Variants in TTC27 observed in about 807,000 individuals in gnomAD.
TTC27 encodes the protein tetratricopeptide repeat domain 27, also known as tetratricopeptide repeat protein 27.
A neutral mutation model predicts 115.9 loss-of-function variants in TTC27; 79 were observed. That is an observed-to-expected ratio of 0.68 (90% CI 0.57 to 0.82). The LOEUF is 0.82. Among genes scored for constraint, TTC27 ranks in the 40% least tolerant of loss-of-function variants. The pLI is 0.00. For synonymous variants in TTC27, 401 were observed against 356.0 expected (o/e 1.13, Z -1.42); for missense variants, 1,054 against 993.1 (o/e 1.06, Z -0.82).
At chr2:32,636,465 C>T (rs772683203) in intron 3 of TTC27, among the ~76,000 whole-genome samples, 1 of 152,146 alleles carries the variant, frequency 6.6e-6, no homozygotes, top group African/African-American at 2.4e-5. Flanking sequence ...CCACCCGCCT[C>T]GGCCTCCCAA....
rs956226237 is a variant in TTC27 at position 32,664,558 on chromosome 2, T to C, written c.805+91T>C. 3.0e-5 allele frequency: 34 copies of C among 1,118,906 alleles called. No individual in the cohort carries two copies. The Admixed American group carries it at 3.1e-4, about 10-fold the overall frequency. The allele number at this position is 1,118,906 out of a possible 1,614,324, so 69.3% of individuals were successfully genotyped here. On this transcript the variant is annotated intron_variant, in intron 6 of 19. Coordinates refer to ENST00000317907, the MANE Select transcript of TTC27 (RefSeq NM_017735.5). ...TGTATTGTATGTTGGTATTAGATTT[T>C]CTATATCCTATTTGCTTTACAAAAG...
intron 12 of TTC27, among the ~76,000 whole-genome samples, chr2:32,741,976 C>T (rs1043349910): frequency 1.3e-5 from 2 of 152,198 alleles, no homozygotes; most frequent in South Asian, 2.1e-4. Context: ...GATTCTTGCT[C>T]AGTAAATGCT....
chr2:32,762,954 T>C (rs1162823650), intron 13 of TTC27, among the ~76,000 whole-genome samples: 1 of 152,220 alleles, frequency 6.6e-6, no homozygotes, highest in African/African-American at 2.4e-5. Context: ...AGCCTAGTTT[T>C]TAGCCATGGC....
intron 13 of TTC27, among the ~76,000 whole-genome samples, chr2:32,777,381 C>G (rs981672565): frequency 1.3e-5 from 2 of 152,232 alleles, no homozygotes; most frequent in African/African-American, 4.8e-5. Flanking sequence ...GTATAAAATG[C>G]TGTAGTATTT....
At chr2:32,685,943 T>G (rs1277154567) in intron 9 of TTC27, among the ~76,000 whole-genome samples, 1 of 152,150 alleles carries the variant, frequency 6.6e-6, no homozygotes, top group Non-Finnish European at 1.5e-5. Context: ...AGGTGACATG[T>G]TTATGTCATA....
intron 18 of TTC27, among the ~76,000 whole-genome samples, chr2:32,816,978 C>T (rs1363345712): frequency 2.0e-5 from 3 of 152,076 alleles, no homozygotes; most frequent in Non-Finnish European, 2.9e-5. Context: ...CACATGTGTG[C>T]GTGTGTGTGC....
rs955107403 is a variant in TTC27 at position 32,817,485 on chromosome 2, C to A, written c.2337C>A (p.Ser779=). The A allele has an allele frequency of 6.2e-7, 1 of 1,613,846 alleles. No individual in the cohort carries two copies. Among genetic ancestry groups the A allele is most frequent in the African/African-American group, 1.3e-5 (1 of 74,890 alleles). The stretch of plus-strand genomic sequence containing the variant: ...CCATAAAATGCAGTAAAAACAAATC[C>A]AGTTCCCAAGAAGCTGTACAAATGC... The part of the protein sequence containing the change: ...HVAIKCSKNK[S]SSQEAVQMLS... Residue 779 remains serine, a synonymous_variant, in exon 19 of 20, where the codon TCC becomes TCA. Transcript: ENST00000317907.
At chr2:32,728,217 A>G (rs778291895) in intron 10 of TTC27, among the ~76,000 whole-genome samples, 21 of 151,448 alleles carry the variant, frequency 1.4e-4, no homozygotes, top group Non-Finnish European at 2.4e-4. Flanking sequence ...ATTTTTTTGT[A>G]TTTTTAGTAG....
At chr2:32,719,328 G>A (rs1280714155) in intron 10 of TTC27, among the ~76,000 whole-genome samples, 1 of 152,070 alleles carries the variant, frequency 6.6e-6, no homozygotes, top group Non-Finnish European at 1.5e-5. Flanking sequence ...CAAGAAAAAA[G>A]GTCAAAATGT....
At chr2:32,667,018 A>C (rs1665804193) in intron 7 of TTC27, among the ~76,000 whole-genome samples, 1 of 151,486 alleles carries the variant, frequency 6.6e-6, no homozygotes, top group Admixed American at 6.6e-5. Context: ...TTTTTCTTCT[A>C]GGATTCAATA....
intron 11 of TTC27, among the ~76,000 whole-genome samples, chr2:32,735,241 T>G (rs112166682): frequency 9.3e-4 from 141 of 152,188 alleles, no homozygotes; most frequent in Non-Finnish European, 1.7e-3. Flanking sequence ...GTAAAAAAGC[T>G]TTATGATATC....
rs1253450221 is a variant in TTC27 at position 32,743,092 on chromosome 2, T to A, written c.1452+6276T>A. ...GTGCCATCTCTGGGTCTAGAGCTTA[T>A]TTTTTTCCCCTTCATTTTTTACGTG... On this transcript the variant is annotated intron_variant, in intron 12 of 19. Coordinates refer to ENST00000317907, the MANE Select transcript of TTC27 (RefSeq NM_017735.5). 2.0e-5 allele frequency among the ~76,000 whole-genome samples: 3 copies of A among 152,136 alleles called. No individual in the cohort carries two copies. The East Asian group carries it at 5.8e-4, about 29-fold the overall frequency.
chr2:32,788,591 T>C (rs1208319560), intron 16 of TTC27, among the ~76,000 whole-genome samples: 2 of 152,210 alleles, frequency 1.3e-5, no homozygotes, highest in Non-Finnish European at 2.9e-5. Context: ...TTCTAACTAA[T>C]CTGCTTGTCT....
chr2:32,704,390 G>C (rs1445794985), intron 10 of TTC27, among the ~76,000 whole-genome samples: 1 of 152,044 alleles, frequency 6.6e-6, no homozygotes, highest in Non-Finnish European at 1.5e-5. Context: ...GTTTCACCAT[G>C]TTGGTTAGGC....
chr2:32,644,108 G>GAGGC (rs1664756017), intron 4 of TTC27, among the ~76,000 whole-genome samples: 2 of 149,422 alleles, frequency 1.3e-5, no homozygotes. Flanking sequence ...TTGAACCCAG[G>GAGGC]AGGCAGAGTT....
At chr2:32,685,230 A>G (rs892275153) in intron 9 of TTC27, among the ~76,000 whole-genome samples, 3 of 151,896 alleles carry the variant, frequency 2.0e-5, no homozygotes, top group Non-Finnish European at 2.9e-5. Flanking sequence ...GGGTTTCACC[A>G]TGTTGGCCAG....
intron 12 of TTC27, among the ~76,000 whole-genome samples, chr2:32,754,115 TAAAG>T (rs1558325682): frequency 2.0e-5 from 3 of 151,360 alleles, no homozygotes; most frequent in African/African-American, 7.3e-5. Flanking sequence ...AATAAAAAAT[TAAAG>T]AACTAATAAA....
At chr2:32,780,169 C>G in intron 14 of TTC27, 1 of 427,060 alleles carries the variant, frequency 2.3e-6, no homozygotes, top group South Asian at 1.7e-5. Flanking sequence ...TTCAGCATTC[C>G]TTGAATTTTC....
chr2:32,748,952 T>C (rs1668920410), intron 12 of TTC27, among the ~76,000 whole-genome samples: 2 of 152,092 alleles, frequency 1.3e-5, no homozygotes, highest in South Asian at 4.1e-4. Context: ...CTTCCCAAAG[T>C]GCTGGGATTA....
Sources: allele counts gnomAD v4.1 joint callset (sites outside exome capture counted in the v4.1 genomes callset), GRCh38; gene constraint gnomAD v4.1.1; transcripts MANE v1.5; gene names NCBI Gene and HGNC (gene_info 2026-07-23, HGNC 2026-07-21).